MIER2: variants seen among roughly 807,000 people sequenced by gnomAD.
MIER2 encodes the protein mesoderm induction early response protein 2.
A neutral mutation model predicts 67.6 loss-of-function variants in MIER2; 30 were observed. The observed-to-expected ratio is 0.44, with a 90% CI of 0.33 to 0.60. The LOEUF (loss-of-function observed/expected upper bound fraction) is 0.60. Ranked by LOEUF, MIER2 falls within the 20% of genes least tolerant of loss-of-function variation. MIER2 has a pLI of 0.02. For missense variants in MIER2, 702 were observed against 745.1 expected (o/e 0.94, Z 0.67); for synonymous variants, 372 against 312.6 (o/e 1.19, Z -2.00).
chr19:320,768 C>T (rs1038808026), intron 7 of MIER2, among the ~76,000 whole-genome samples: 1 of 152,330 alleles, frequency 6.6e-6, no homozygotes, highest in South Asian at 2.1e-4. Context: ...TTGTCTTCCA[C>T]GAAACCAGTC....
intron 7 of MIER2, among the ~76,000 whole-genome samples, chr19:315,863 G>T (rs1449882186): frequency 6.6e-6 from 1 of 152,190 alleles, no homozygotes; most frequent in African/African-American, 2.4e-5. Context: ...CGAATACAAG[G>T]ACACACGAAG....
At chr19:320,004 A>T (rs566661388) in intron 7 of MIER2, among the ~76,000 whole-genome samples, 1 of 152,312 alleles carries the variant, frequency 6.6e-6, no homozygotes, top group East Asian at 1.9e-4. Context: ...CGAGCATGTA[A>T]TCACTGCACC....
At chr19:341,054 T>A (rs1295268623) in intron 1 of MIER2, among the ~76,000 whole-genome samples, 1 of 152,076 alleles carries the variant, frequency 6.6e-6, no homozygotes, top group African/African-American at 2.4e-5. Flanking sequence ...CCACAACCAC[T>A]CTACACAGCC....
chr19:335,966 T>C, intron 2 of MIER2, 117 bp downstream of exon 2: 1 of 981,192 alleles, frequency 1.0e-6, no homozygotes, highest in Non-Finnish European at 1.6e-6. Context: ...TGGGACACCC[T>C]GGACTCTGGA....
At chr19:337,455 G>C (rs1272670545) in intron 1 of MIER2, among the ~76,000 whole-genome samples, 1 of 152,172 alleles carries the variant, frequency 6.6e-6, no homozygotes, top group African/African-American at 2.4e-5. Flanking sequence ...GCCCTCAATG[G>C]GGAAAGGCTG....
intron 3 of MIER2, among the ~76,000 whole-genome samples, chr19:328,721 C>T (rs1029501818): frequency 6.6e-6 from 1 of 152,040 alleles, no homozygotes; most frequent in Non-Finnish European, 1.5e-5. Flanking sequence ...GCACTCCAGC[C>T]TGGGTGGCAG....
intron 1 of MIER2, among the ~76,000 whole-genome samples, chr19:338,628 T>C (rs1407746156): frequency 1.3e-5 from 2 of 152,142 alleles, no homozygotes; most frequent in Non-Finnish European, 2.9e-5. Context: ...CAAACAATCT[T>C]GAAACAATAC....
chr19:323,190 T>A (rs1389856501), intron 7 of MIER2, among the ~76,000 whole-genome samples: 2 of 142,888 alleles, frequency 1.4e-5, no homozygotes, highest in East Asian at 2.1e-4. Flanking sequence ...GTCATCACAA[T>A]GCAATATACA....
chr19:311,969 T>A (rs201783072), intron 9 of MIER2, 30 bp from the exon 10 acceptor site: 1 of 1,603,024 alleles, frequency 6.2e-7, no homozygotes, highest in Admixed American at 1.7e-5. Flanking sequence ...GAACGGTCAG[T>A]GGTGCCCAGG....
At chr19:344,707 A>G (rs1772752285) in intron 1 of MIER2, 67 bp downstream of exon 1, 16 of 1,026,536 alleles carry the variant, frequency 1.6e-5, no homozygotes, top group African/African-American at 1.7e-5. Flanking sequence ...GACGAGGCCG[A>G]GCCACGGCGG....
intron 1 of MIER2, among the ~76,000 whole-genome samples, chr19:341,427 G>A (rs940985527): frequency 1.2e-4 from 19 of 152,188 alleles, no homozygotes; most frequent in East Asian, 1.9e-4. Flanking sequence ...GCAGAGGGGG[G>A]CAAAGAGGGA....
intron 6 of MIER2, 98 bp from the exon 7 acceptor site, chr19:325,802 C>T: frequency 7.5e-7 from 1 of 1,330,506 alleles, no homozygotes; most frequent in Non-Finnish European, 1.1e-6. Flanking sequence ...GGGGAGGGGC[C>T]ACTGTCCAGA....
intron 10 of MIER2, among the ~76,000 whole-genome samples, chr19:310,489 AAC>A (rs1970904519): frequency 8.6e-6 from 1 of 116,382 alleles, no homozygotes; most frequent in Non-Finnish European, 1.8e-5. Flanking sequence ...GAGCTCCAGA[AAC>A]ACGGCCGGGA....
chr19:328,516 A>G (rs563886845), intron 3 of MIER2, among the ~76,000 whole-genome samples: 320 of 152,200 alleles, frequency 2.1e-3, no homozygotes, highest in African/African-American at 7.2e-3. Flanking sequence ...GGAAGGCTAC[A>G]GCAGGCAGAT....
intron 10 of MIER2, among the ~76,000 whole-genome samples, chr19:311,519 C>A (rs1479315927): frequency 6.6e-6 from 1 of 152,186 alleles, no homozygotes; most frequent in African/African-American, 2.4e-5. Flanking sequence ...GGACACTGAG[C>A]CAGCAGGCTC....
At chr19:335,005 C>A (rs1972175326) in intron 2 of MIER2, among the ~76,000 whole-genome samples, 1 of 152,202 alleles carries the variant, frequency 6.6e-6, no homozygotes, top group African/African-American at 2.4e-5. Flanking sequence ...CCAATGGGGG[C>A]TCGACAACAC....
rs146405139 is a variant in MIER2 at position 325,832 on chromosome 19, G to A, written c.586-128C>T. The A allele has an allele frequency of 1.6e-4, 159 of 980,800 alleles. 1 individual carries two copies. Among genetic ancestry groups the A allele is most frequent in the South Asian group, 9.9e-4 (70 of 70,800 alleles). The allele number at this position is 980,800 out of a possible 1,614,324, so 60.8% of individuals were successfully genotyped here. On this transcript the variant is annotated intron_variant, in intron 6 of 13. Coordinates refer to ENST00000264819, the MANE Select transcript of MIER2 (RefSeq NM_017550.3). ...TCCAGACCCCAGACCCATCTGTGCC[G>A]TCTACCTGCTGATGCCCAGTTCTGG... is the stretch of plus-strand genomic sequence containing the variant.
chr19:308,589 C>A lies in MIER2; in HGVS notation c.1186G>T (p.Gly396Trp). Reference protein sequence around the residue: ...RPRPEQDTLTGMRTDPLSVDG... With the variant: ...RPRPEQDTLTWMRTDPLSVDG... The stretch of plus-strand genomic sequence containing the variant: ...CCCCAAGCCTCACCTGTGCGCATCC[C>A]AGTCAGGGTGTCTTGCTCCGGGCGC... Residue 396 changes from glycine (G) to tryptophan (W), a missense_variant, in exon 12 of 14, where the codon GGG becomes TGG. Gly to Trp is a radical substitution (Grantham distance 184). Around this residue, in one of 3 missense-constraint regions of MIER2, gnomAD observed 254 missense variants for 262.8 expected, o/e 0.97. Coordinates refer to ENST00000264819, the MANE Select transcript of MIER2 (RefSeq NM_017550.3). This position sits in a 1 kb window ranked among gnomAD's most constrained non-coding sequence, Gnocchi z 9.1. The A allele has an allele frequency of 6.2e-7, 1 of 1,604,724 alleles. No homozygotes were observed.
rs534066860 is a variant in MIER2 at position 308,605 on chromosome 19, C to A, written c.1170G>T (p.Glu390Asp). The stretch of plus-strand genomic sequence containing the variant: ...TGCGCATCCCAGTCAGGGTGTCTTG[C>A]TCCGGGCGCGGACGGCCGGGGCCAT... Reference protein sequence around the residue: ...DPDGPGRPRPEQDTLTGMRTD... With the variant: ...DPDGPGRPRPDQDTLTGMRTD... Residue 390 changes from glutamate to aspartate, a missense_variant, in exon 12 of 14, where the codon GAG (glutamate) becomes GAT (aspartate). Around this residue, in one of 3 missense-constraint regions of MIER2, gnomAD observed 254 missense variants for 262.8 expected, o/e 0.97. Coordinates refer to ENST00000264819, the MANE Select transcript of MIER2 (RefSeq NM_017550.3). This position sits in a 1 kb window ranked among gnomAD's most constrained non-coding sequence, Gnocchi z 9.1. 6.2e-7 allele frequency: 1 copy of A among 1,606,920 alleles called. No individual in the cohort carries two copies. Among genetic ancestry groups the A allele is most frequent in the Non-Finnish European group, 8.5e-7 (1 of 1,177,974 alleles).
Sources: allele counts gnomAD v4.1 joint callset (sites outside exome capture counted in the v4.1 genomes callset), GRCh38; gene constraint gnomAD v4.1.1; regional missense constraint gnomAD v4.1.1; non-coding constraint Gnocchi (gnomAD v3.1); transcripts MANE v1.5; gene names NCBI Gene and HGNC (gene_info 2026-07-23, HGNC 2026-07-21).